The following CELF4 variants were observed in gnomAD, a reference collection of about 807,000 sequenced individuals.
The protein encoded by CELF4 is CUG-BP- and ETR-3-like factor 4.
In CELF4, 18 loss-of-function variants were observed where a neutral mutation model predicts 59.9. That is an observed-to-expected ratio of 0.30 (90% CI 0.21 to 0.45). The LOEUF (loss-of-function observed/expected upper bound fraction) is 0.45, where lower values mean the gene tolerates loss of function less well. Ranked by LOEUF, CELF4 falls within the 20% of genes least tolerant of loss-of-function variation. The pLI is 1.00. For missense variants in CELF4, 456 were observed against 689.0 expected (o/e 0.66, Z 3.79); for synonymous variants, 261 against 267.1 (o/e 0.98, Z 0.22).
intron 2 of CELF4, among the ~76,000 whole-genome samples, chr18:37,325,685 G>T (rs1289949335): frequency 6.6e-6 from 1 of 152,242 alleles, no homozygotes; most frequent in Non-Finnish European, 1.5e-5. Context: ...CTTTCTGACA[G>T]CAGGGACATG....
chr18:37,277,626 A>G (rs2093538055), intron 3 of CELF4, among the ~76,000 whole-genome samples: 1 of 152,204 alleles, frequency 6.6e-6, no homozygotes, highest in African/African-American at 2.4e-5. Context: ...TGGCAGAGAC[A>G]GAGGAAAGAC....
At chr18:37,428,466 T>A (rs929193856) in intron 2 of CELF4, among the ~76,000 whole-genome samples, 3 of 152,016 alleles carry the variant, frequency 2.0e-5, no homozygotes, top group African/African-American at 7.3e-5. Context: ...TGGGAGTGCA[T>A]CTTTTGGGGT....
At chr18:37,513,529 G>C (rs1401842565) in intron 1 of CELF4, among the ~76,000 whole-genome samples, 1 of 152,152 alleles carries the variant, frequency 6.6e-6, no homozygotes, top group Non-Finnish European at 1.5e-5. Flanking sequence ...CTGGGCAGGG[G>C]CGTGGACCAT....
intron 2 of CELF4, among the ~76,000 whole-genome samples, chr18:37,355,674 AC>A (rs35306056): frequency 1 from 152,194 of 152,194 alleles, 76,097 homozygotes; most frequent in Non-Finnish European, 1. Flanking sequence ...CTCCATCCCC[AC>A]CCACCCCACC....
intron 2 of CELF4, among the ~76,000 whole-genome samples, chr18:37,352,710 A>G (rs750027542): frequency 8.5e-5 from 13 of 152,214 alleles, no homozygotes; most frequent in Non-Finnish European, 1.8e-4. Context: ...AGATTAGGTC[A>G]GAATCTGGAG....
chr18:37,359,569 T>C (rs998429517), intron 2 of CELF4, among the ~76,000 whole-genome samples: 14 of 152,286 alleles, frequency 9.2e-5, no homozygotes, highest in South Asian at 4.1e-4. Context: ...CCTAGACTCC[T>C]GGCCTCAAAC....
intron 7 of CELF4, among the ~76,000 whole-genome samples, chr18:37,272,743 C>T (rs768483091): frequency 1.1e-4 from 17 of 152,196 alleles, no homozygotes; most frequent in Non-Finnish European, 7.3e-5. Flanking sequence ...CATCAAGATA[C>T]ATTGTTTCCT....
chr18:37,448,317 G>C (rs910488111), intron 2 of CELF4, among the ~76,000 whole-genome samples: 4 of 152,320 alleles, frequency 2.6e-5, no homozygotes, highest in South Asian at 4.2e-4. Context: ...CTGGGTGCTG[G>C]CAGAGGACAG....
chr18:37,502,962 G>C (rs2099933504), intron 1 of CELF4, among the ~76,000 whole-genome samples: 3 of 152,216 alleles, frequency 2.0e-5, no homozygotes, highest in African/African-American at 4.8e-5. Flanking sequence ...CCCAAAGAAG[G>C]ATGGGCACTA....
At chr18:37,479,437 A>G (rs970468879) in intron 2 of CELF4, among the ~76,000 whole-genome samples, 1 of 152,216 alleles carries the variant, frequency 6.6e-6, no homozygotes, top group Non-Finnish European at 1.5e-5. Flanking sequence ...ACATTGTAGG[A>G]TATTTAGCGG....
intron 2 of CELF4, among the ~76,000 whole-genome samples, chr18:37,416,374 C>G (rs2099529077): frequency 6.6e-6 from 1 of 151,576 alleles, no homozygotes; most frequent in Non-Finnish European, 1.5e-5. Flanking sequence ...GGTTTCACCT[C>G]CAGGAGCCCC....
At chr18:37,561,641 T>A (rs186520507) in intron 1 of CELF4, among the ~76,000 whole-genome samples, 1 of 152,312 alleles carries the variant, frequency 6.6e-6, no homozygotes, top group East Asian at 1.9e-4. Context: ...TGTACATATA[T>A]GTGTCTTCAG....
intron 2 of CELF4, among the ~76,000 whole-genome samples, chr18:37,339,587 C>T (rs763059746): frequency 3.9e-5 from 6 of 152,074 alleles, no homozygotes; most frequent in Non-Finnish European, 8.8e-5. Flanking sequence ...AACCCCATCT[C>T]TACTAAAAAT....
chr18:37,304,195 G>C (rs903054093), intron 3 of CELF4, among the ~76,000 whole-genome samples: 2 of 152,186 alleles, frequency 1.3e-5, no homozygotes, highest in Non-Finnish European at 2.9e-5. Flanking sequence ...CTCAGTGAAG[G>C]CATCCATTCT....
intron 2 of CELF4, among the ~76,000 whole-genome samples, chr18:37,462,018 G>A (rs770225055): frequency 6.6e-6 from 1 of 152,206 alleles, no homozygotes; most frequent in Admixed American, 6.5e-5. Context: ...TTACCCATGA[G>A]GGAAATGTGG....
intron 3 of CELF4, among the ~76,000 whole-genome samples, chr18:37,306,656 G>A (rs1353414795): frequency 6.6e-6 from 1 of 152,168 alleles, no homozygotes; most frequent in Non-Finnish European, 1.5e-5. Flanking sequence ...CCTTGTGCTT[G>A]GACTCTGGCC....
intron 2 of CELF4, among the ~76,000 whole-genome samples, chr18:37,439,417 ATG>A (rs953229464): frequency 1.3e-5 from 2 of 151,976 alleles, no homozygotes; most frequent in East Asian, 3.9e-4. Flanking sequence ...GCATGCATGC[ATG>A]TGTGTGTGTG....
chr18:37,460,899 C>T (rs2099791615), intron 2 of CELF4, among the ~76,000 whole-genome samples: 1 of 152,066 alleles, frequency 6.6e-6, no homozygotes, highest in African/African-American at 2.4e-5. Flanking sequence ...TTAAGGTTTG[C>T]TATGGGAAAG....
rs370663314 is a variant in CELF4, at chr18:37,259,269, G to A, written c.1250-5C>T. On this transcript the variant is annotated splice_region_variant and splice_polypyrimidine_tract_variant and intron_variant, in intron 10 of 12. Coordinates refer to ENST00000420428, the MANE Select transcript of CELF4 (RefSeq NM_020180.4). ...ACAGGTTACAGCCCTCGGGCCCTGC[G>A]GTGAGGGGAGGGGGTGGGCGGGGGA... 13 of 1,431,848 alleles carry A rather than the reference G, an allele frequency of 9.1e-6. No homozygotes were observed. Among genetic ancestry groups the A allele is most frequent in the African/African-American group, 8.5e-5 (6 of 70,640 alleles). 88.7% of individuals were successfully genotyped at this position (1,431,848 alleles called of 1,614,324 possible).
Sources: allele counts gnomAD v4.1 joint callset (sites outside exome capture counted in the v4.1 genomes callset), GRCh38; gene constraint gnomAD v4.1.1; transcripts MANE v1.5; gene names NCBI Gene and HGNC (gene_info 2026-07-23, HGNC 2026-07-21).